Variants in ICA1L observed in about 807,000 individuals in gnomAD.
The protein encoded by ICA1L is islet cell autoantigen 1 like, also known as islet cell autoantigen 1-like protein.
Under a neutral mutation model 61.3 loss-of-function variants are expected in ICA1L, and 50 were observed. That is an observed-to-expected ratio of 0.82 (90% CI 0.65 to 1.03). The LOEUF is 1.03. Among genes scored for constraint, ICA1L ranks in the 50% least tolerant of loss-of-function variants. The pLI is 0.00. For synonymous variants in ICA1L, 161 were observed against 191.3 expected (o/e 0.84, Z 1.31); for missense variants, 508 against 556.7 (o/e 0.91, Z 0.88).
rs1186128252 is a variant in ICA1L at position 202,774,241 on chromosome 2, C to T, written c.*5292G>A. On this transcript the variant is annotated 3_prime_UTR_variant, in exon 13 of 13. Coordinates refer to ENST00000358299, the MANE Select transcript of ICA1L (RefSeq NM_001288622.3). The stretch of plus-strand genomic sequence containing the variant: ...AGGCGCGGGGCGGCTCCTGAGTCTT[C>T]TCGCTCCTGTCGGCCAAAGGCCGTG... 4.5e-6 allele frequency: 7 copies of T among 1,547,554 alleles called. No individual in the cohort carries two copies. In the East Asian group the frequency reaches 7.3e-5, roughly 16 times the overall value.
chr2:202,797,952 C>T (rs1692980696), intron 9 of ICA1L, among the ~76,000 whole-genome samples: 1 of 152,164 alleles, frequency 6.6e-6, no homozygotes, highest in Non-Finnish European at 1.5e-5. Context: ...AGTTCCCTCC[C>T]CACAACTACC....
chr2:202,822,577 G>A (rs1394358233), intron 3 of ICA1L, among the ~76,000 whole-genome samples: 18 of 152,210 alleles, frequency 1.2e-4, no homozygotes, highest in Admixed American at 1.2e-3. Flanking sequence ...CACTGATCTA[G>A]TGTAAGCTGA....
At chr2:202,851,288 T>C (rs1247232235) in intron 1 of ICA1L, among the ~76,000 whole-genome samples, 1 of 152,166 alleles carries the variant, frequency 6.6e-6, no homozygotes, top group Non-Finnish European at 1.5e-5. Context: ...TGCGATAGTT[T>C]GCTGAGAATG....
chr2:202,812,354 G>A (rs537150215), intron 8 of ICA1L, among the ~76,000 whole-genome samples: 38 of 152,208 alleles, frequency 2.5e-4, no homozygotes, highest in African/African-American at 7.9e-4. Flanking sequence ...TGAGACAGGC[G>A]GATCACGAGG....
At chr2:202,789,664 AAAAAGG>A (rs1692688504) in intron 10 of ICA1L, among the ~76,000 whole-genome samples, 1 of 152,244 alleles carries the variant, frequency 6.6e-6, no homozygotes, top group Non-Finnish European at 1.5e-5. Context: ...CTATAAAAAC[AAAAAGG>A]TTGTTACACC....
intron 11 of ICA1L, among the ~76,000 whole-genome samples, chr2:202,786,240 T>C (rs949084316): frequency 2.6e-5 from 4 of 152,198 alleles, no homozygotes; most frequent in Admixed American, 1.3e-4. Flanking sequence ...GAAATAAATA[T>C]GTGGGATGTT....
At position 202,796,949 on chromosome 2, in the gene ICA1L, T is replaced by C; in HGVS notation, c.926A>G (p.Asn309Ser). The C allele has an allele frequency of 6.3e-7, 1 of 1,595,820 alleles. No individual in the cohort carries two copies. The highest frequency in any genetic ancestry group is 8.5e-7 in the Non-Finnish European group (1 of 1,173,830). ...TTCTCTCATTTGAGAATGTTTTTCA[T>C]TGTGATCTTTGTTTGCTAAATCAAA... is the stretch of plus-strand genomic sequence containing the variant. ...FESEQANKDH[N>S]EKHSQMREFG... is the part of the protein sequence containing the mutation. Residue 309 changes from asparagine (N) to serine (S), a missense_variant, in exon 10 of 13, where the codon AAT becomes AGT. Asn to Ser is a conservative substitution (Grantham distance 46). Coordinates refer to ENST00000358299, the MANE Select transcript of ICA1L (RefSeq NM_001288622.3).
chr2:202,793,743 T>C (rs1046217018), intron 10 of ICA1L, among the ~76,000 whole-genome samples: 3 of 151,260 alleles, frequency 2.0e-5, no homozygotes, highest in Admixed American at 6.6e-5. Context: ...TCCCAGCACT[T>C]TGGGAGGCCG....
At chr2:202,786,646 G>A in intron 11 of ICA1L, 1 of 417,188 alleles carries the variant, frequency 2.4e-6, no homozygotes. Context: ...CTGATAATTG[G>A]AATGCTGAAA....
chr2:202,845,089 A>G (rs764492344), intron 1 of ICA1L, among the ~76,000 whole-genome samples: 40 of 152,222 alleles, frequency 2.6e-4, no homozygotes, highest in Non-Finnish European at 4.3e-4. Flanking sequence ...TCCCCTTAAG[A>G]AGACCTATGT....
chr2:202,797,344 G>A (rs113755267), intron 9 of ICA1L, among the ~76,000 whole-genome samples: 1 of 152,076 alleles, frequency 6.6e-6, no homozygotes, highest in South Asian at 2.1e-4. Context: ...CTCTGACACA[G>A]TGGATGTTCA....
chr2:202,819,031 G>A (rs548670650), intron 5 of ICA1L, among the ~76,000 whole-genome samples: 17 of 152,342 alleles, frequency 1.1e-4, no homozygotes, highest in African/African-American at 4.1e-4. Context: ...GTTGTGGCCT[G>A]AGGCCATGTA....
At chr2:202,790,108 T>G (rs1376070320) in intron 10 of ICA1L, among the ~76,000 whole-genome samples, 2 of 152,208 alleles carry the variant, frequency 1.3e-5, no homozygotes, top group Non-Finnish European at 2.9e-5. Context: ...CATTCCATGT[T>G]ACAGAATGGG....
chr2:202,835,856 G>A (rs1186080119), intron 1 of ICA1L, among the ~76,000 whole-genome samples: 1 of 151,982 alleles, frequency 6.6e-6, no homozygotes, highest in Non-Finnish European at 1.5e-5. Context: ...GACCACTACT[G>A]ATTTTTGTGT....
At position 202,779,641 on chromosome 2, in the gene ICA1L, G is replaced by C. The variant is rs201307569; in HGVS notation, c.1341C>G (p.Asn447Lys). The C allele has an allele frequency of 1.1e-5, 18 of 1,597,620 alleles. No individual in the cohort carries two copies. Among genetic ancestry groups the C allele is most frequent in the Non-Finnish European group, 1.5e-5 (17 of 1,171,088 alleles). ...AGGCTGACATGTCTTGGTTGCCATT[G>C]TTGGGGGCTATTAAAAAAGAAAAAA... ...QSPKKLTRSP[N>K]NGNQDMSAWF... The change falls in exon 13 of 13, where the codon AAC becomes AAG. Residue 447 changes from asparagine to lysine, a missense_variant. Coordinates refer to ENST00000358299, the MANE Select transcript of ICA1L (RefSeq NM_001288622.3).
chr2:202,867,793 T>C (rs1285226929), intron 1 of ICA1L, among the ~76,000 whole-genome samples: 1 of 152,206 alleles, frequency 6.6e-6, no homozygotes, highest in Non-Finnish European at 1.5e-5. Flanking sequence ...AAAATGGGTA[T>C]AACCACTTCA....
At chr2:202,786,980 CT>C (rs1171591702) in intron 11 of ICA1L, among the ~76,000 whole-genome samples, 4 of 152,148 alleles carry the variant, frequency 2.6e-5, no homozygotes, top group Non-Finnish European at 2.9e-5. Context: ...TAATCCCTTC[CT>C]TGTATAGAAA....
rs1574316237 is a variant in ICA1L at position 202,777,906 on chromosome 2, A to C, written c.*1627T>G. The C allele has an allele frequency of 9.1e-6, 1 of 109,676 alleles. No homozygotes were observed. Among genetic ancestry groups the C allele is most frequent in the African/African-American group, 3.8e-5 (1 of 26,528 alleles). 6.8% of individuals were successfully genotyped at this position (109,676 alleles called of 1,614,324 possible). ...TTTTTTTTTTTTTTTTTTGAGACGG[A>C]GTCTTGCTCTGTTGCCTAGGCTGGA... On this transcript the variant is annotated 3_prime_UTR_variant, in exon 13 of 13. Coordinates refer to ENST00000358299, the MANE Select transcript of ICA1L (RefSeq NM_001288622.3).
At chr2:202,858,856 T>TA (rs1188356316) in intron 1 of ICA1L, among the ~76,000 whole-genome samples, 2 of 152,154 alleles carry the variant, frequency 1.3e-5, no homozygotes, top group African/African-American at 4.8e-5. Context: ...TCTAGGGGTG[T>TA]AGCAAGCTCC....
Sources: gnomAD v4.1 joint callset for allele counts (sites outside exome capture counted in the v4.1 genomes callset) on GRCh38, gnomAD v4.1.1 for gene constraint, MANE v1.5 for transcripts, NCBI Gene and HGNC (gene_info 2026-07-23, HGNC 2026-07-21) for gene names.